Variants in TNS1 observed in about 807,000 individuals in gnomAD.
The protein encoded by TNS1 is tensin 1.
A neutral mutation model predicts 168.6 loss-of-function variants in TNS1; 62 were observed. The observed-to-expected ratio is 0.37, with a 90% CI of 0.30 to 0.45. The LOEUF is 0.45. Among genes scored for constraint, TNS1 ranks in the 20% least tolerant of loss-of-function variants. TNS1 has a pLI of 1.00. For missense variants in TNS1, 2,240 were observed against 2,339.4 expected (o/e 0.96, Z 0.88); for synonymous variants, 934 against 933.2 (o/e 1.00, Z -0.02).
intron 3 of TNS1, among the ~76,000 whole-genome samples, chr2:217,977,327 G>A (rs1559396791): frequency 6.6e-6 from 1 of 152,208 alleles, no homozygotes; most frequent in Non-Finnish European, 1.5e-5. Flanking sequence ...GAGAAGACAA[G>A]GGAAGGGGCA....
At chr2:218,010,165 C>G in exon 1 of TNS1, 1 of 399,130 alleles carries the variant, frequency 2.5e-6, no homozygotes, top group Non-Finnish European at 4.4e-6. Flanking sequence ...CATCGGATCA[C>G]GCAGGAGAAG....
chr2:217,803,133 C>A lies in TNS1; in HGVS notation c.*1326G>T, dbSNP rs1415243906. 6.6e-6 allele frequency: 1 copy of A among 152,274 alleles called. No homozygotes were observed. Among genetic ancestry groups the A allele is most frequent in the Non-Finnish European group, 1.5e-5 (1 of 68,064 alleles). The allele number at this position is 152,274 out of a possible 1,614,324, so 9.4% of individuals were successfully genotyped here. A position where few individuals can be genotyped will look rare whatever the true frequency, so the allele number is the denominator to read the frequency against. On this transcript the variant is annotated 3_prime_UTR_variant, in exon 33 of 33. Transcript: ENST00000682258. ...GGTGTGCAGGCAGCAGGCCCAGGAG[C>A]TCTGCTGAGGTCAGAGGGTGCCTGC...
upstream of TNS1, among the ~76,000 whole-genome samples, chr2:218,005,416 T>C (rs2105989763): frequency 6.6e-6 from 1 of 152,346 alleles, no homozygotes; most frequent in South Asian, 2.1e-4. Flanking sequence ...CCCTCCAGAA[T>C]ACCCCCATCC....
intron 32 of TNS1, among the ~76,000 whole-genome samples, chr2:217,805,477 A>ACACAACAC (rs1938419887): frequency 3.0e-5 from 1 of 33,888 alleles, no homozygotes; most frequent in South Asian, 1.0e-3. Context: ...CACACACACC[A>ACACAACAC]CACACACCAC....
intron 22 of TNS1, among the ~76,000 whole-genome samples, chr2:217,822,530 C>A (rs1014715535): frequency 6.6e-6 from 1 of 152,222 alleles, no homozygotes; most frequent in African/African-American, 2.4e-5. Context: ...GCCTGACACA[C>A]TCAGCATTCC....
chr2:217,805,451 C>G (rs1938358564), intron 32 of TNS1, among the ~76,000 whole-genome samples: 1 of 49,492 alleles, frequency 2.0e-5, no homozygotes, highest in South Asian at 6.2e-4. Context: ...CACATACACA[C>G]CATCACACAC....
chr2:217,854,821 C>G (rs1190224676), intron 18 of TNS1, among the ~76,000 whole-genome samples: 4 of 152,200 alleles, frequency 2.6e-5, no homozygotes, highest in African/African-American at 9.7e-5. Flanking sequence ...AGGAAGGCCA[C>G]AAGGGATGGC....
Position 217,847,862 on chromosome 2 carries a change from G to A in TNS1, c.2655C>T (p.Thr885=), listed in dbSNP as rs2125425872. 2 of 1,580,822 alleles carry A rather than the reference G, an allele frequency of 1.3e-6. No individual in the cohort carries two copies. Among genetic ancestry groups the A allele is most frequent in the South Asian group, 1.1e-5 (1 of 88,868 alleles). The change falls in exon 19 of 33, where the codon ACC becomes ACT. Residue 885 remains threonine, a synonymous_variant. Transcript: ENST00000682258. ...TGGGGATATAGCCAGATCTGGACTG[G>A]GTCAGTGGATGGGACTGACGGGAGG... ...SGSSRQSHPL[T]QSRSGYIPSG...
intron 1 of TNS1, among the ~76,000 whole-genome samples, chr2:217,994,926 G>A (rs192766424): frequency 6.6e-6 from 1 of 152,226 alleles, no homozygotes; most frequent in Non-Finnish European, 1.5e-5. Context: ...AGGCTATGTG[G>A]CATTGAAAAT....
In TNS1 at chr2:217,870,538, G is replaced by A. The variant is rs1053747059; in HGVS notation, c.1429+10360C>T. On this transcript the variant is annotated intron_variant, in intron 18 of 32. Transcript: ENST00000682258. The stretch of plus-strand genomic sequence containing the variant: ...CCGGATAGCTTGCACTTGTCTACAG[G>A]TCTGGCAGGAGAGGAAACAGGGAGG... 7.2e-5 allele frequency among the ~76,000 whole-genome samples: 11 copies of A among 152,330 alleles called. No individual in the cohort carries two copies. The East Asian group carries it at 2.1e-3, about 29-fold the overall frequency.
chr2:217,851,651 T>C (rs947721486), intron 18 of TNS1, among the ~76,000 whole-genome samples: 5 of 152,172 alleles, frequency 3.3e-5, no homozygotes, highest in South Asian at 4.1e-4. Context: ...AAAGGGGTTT[T>C]GGCTAAAATA....
chr2:217,990,059 C>T (rs1236477666), intron 2 of TNS1, among the ~76,000 whole-genome samples: 3 of 147,568 alleles, frequency 2.0e-5, no homozygotes, highest in Non-Finnish European at 4.5e-5. Flanking sequence ...CCTCAGCACA[C>T]ATCATCCACA....
intron 3 of TNS1, among the ~76,000 whole-genome samples, chr2:217,938,930 C>T (rs192044533): frequency 1.8e-4 from 28 of 152,088 alleles, no homozygotes; most frequent in Admixed American, 3.3e-4. Context: ...GATGTTAGGA[C>T]CTCTTAAGGG....
chr2:217,849,230 G>T, intron 18 of TNS1, 143 bp from the exon 19 acceptor site: 1 of 1,008,082 alleles, frequency 9.9e-7, no homozygotes, highest in Non-Finnish European at 1.4e-6. Context: ...CTGAGGTGGG[G>T]AAAAGGGGAG....
intron 12 of TNS1, 179 bp downstream of exon 12, chr2:217,890,783 G>A (rs1951666253): frequency 3.1e-6 from 2 of 637,714 alleles, no homozygotes; most frequent in African/African-American, 1.8e-5. Flanking sequence ...CCACAGGCTG[G>A]CTCCCGGGCT....
intron 3 of TNS1, among the ~76,000 whole-genome samples, chr2:217,969,059 T>A (rs1559393232): frequency 1.3e-5 from 2 of 152,172 alleles, no homozygotes; most frequent in Non-Finnish European, 2.9e-5. Context: ...GCAAACCCTA[T>A]CAGAATTCCA....
chr2:217,960,141 T>A (rs1291900622), intron 3 of TNS1, among the ~76,000 whole-genome samples: 2 of 151,632 alleles, frequency 1.3e-5, no homozygotes, highest in Non-Finnish European at 2.9e-5. Context: ...ACCCAGTGAG[T>A]GGGGGGCAGA....
chr2:217,921,450 C>T (rs886999570), intron 3 of TNS1, among the ~76,000 whole-genome samples: 62 of 152,354 alleles, frequency 4.1e-4, no homozygotes, highest in African/African-American at 1.5e-3. Context: ...GGCACCCTAG[C>T]TGAGCCCTTC....
intron 22 of TNS1, 33 bp downstream of exon 22, chr2:217,831,422 C>A (rs757964286): frequency 2.6e-6 from 4 of 1,530,318 alleles, no homozygotes; most frequent in Admixed American, 4.0e-5. Context: ...CTCCCCCTGG[C>A]CCCCCTCCCC....
Sources: allele counts gnomAD v4.1 joint callset (sites outside exome capture counted in the v4.1 genomes callset), GRCh38; gene constraint gnomAD v4.1.1; transcripts MANE v1.5; gene names NCBI Gene and HGNC (gene_info 2026-07-23, HGNC 2026-07-21).